The following AASDH variants were observed in gnomAD, a reference collection of about 807,000 sequenced individuals.
AASDH encodes the protein beta-alanine-activating enzyme.
Under a neutral mutation model 102.3 loss-of-function variants are expected in AASDH, and 81 were observed. The observed-to-expected ratio is 0.79, with a 90% CI of 0.66 to 0.95. The LOEUF (loss-of-function observed/expected upper bound fraction) is 0.95. AASDH is among the 40% of genes least tolerant of loss of function. The pLI is 0.00. For missense variants in AASDH, 1,203 were observed against 1,266.2 expected (o/e 0.95, Z 0.76); for synonymous variants, 398 against 454.0 (o/e 0.88, Z 1.57).
intron 3 of AASDH, among the ~76,000 whole-genome samples, chr4:56,380,797 A>T (rs1196950734): frequency 6.6e-6 from 1 of 152,188 alleles, no homozygotes; most frequent in African/African-American, 2.4e-5. Flanking sequence ...ACACTGTAGG[A>T]TTTTTAGCAG....
At chr4:56,350,300 C>T (rs1046012630) in intron 10 of AASDH, among the ~76,000 whole-genome samples, 39 of 152,008 alleles carry the variant, frequency 2.6e-4, no homozygotes, top group African/African-American at 5.8e-4. Context: ...ACTAAAACCA[C>T]GAAAATTAGC....
chr4:56,378,087 T>A, intron 4 of AASDH, 61 bp downstream of exon 4: 1 of 1,491,350 alleles, frequency 6.7e-7, no homozygotes, highest in Non-Finnish European at 9.0e-7. Context: ...ATTACAGGCA[T>A]AAGCCACCAC....
chr4:56,371,476 G>C lies in AASDH; in HGVS notation c.836C>G (p.Ser279Cys). ...LPSKLASVLFSHHRVTVLQAT... is the reference protein window; with the variant it reads ...LPSKLASVLFCHHRVTVLQAT... ...CTGCAAAACAGTCACTCTATGATGG[G>C]AAAAGAGAACGCTGGCTAATTTTGA... The change falls in exon 5 of 15, where the codon TCC (serine) becomes TGC (cysteine). Residue 279 changes from serine to cysteine, a missense_variant. Transcript: ENST00000205214. 6.2e-7 allele frequency: 1 copy of C among 1,612,360 alleles called. No homozygotes were observed. Among genetic ancestry groups the C allele is most frequent in the Non-Finnish European group, 8.5e-7 (1 of 1,179,682 alleles).
In AASDH at chr4:56,345,264, G is replaced by C; in HGVS notation, c.2515C>G (p.Leu839Val). ...VGCYNGLVYV[L>V]KSNSGEKYWM... ...TATTTTTCTCCACTATTACTTTTCA[G>C]AACATAAACTAATCCATTATAACAG... Residue 839 changes from leucine (L) to valine (V), a missense_variant, in exon 12 of 15, where the codon CTG becomes GTG. By Grantham distance (32) the Leu-to-Val change is conservative. Coordinates refer to ENST00000205214, the MANE Select transcript of AASDH (RefSeq NM_181806.4). 6.2e-7 allele frequency: 1 copy of C among 1,613,330 alleles called. No individual in the cohort carries two copies. Among genetic ancestry groups the C allele is most frequent in the East Asian group, 2.2e-5 (1 of 44,862 alleles).
At chr4:56,352,652 T>G (rs1162030287) in intron 9 of AASDH, among the ~76,000 whole-genome samples, 1 of 152,204 alleles carries the variant, frequency 6.6e-6, no homozygotes, top group East Asian at 1.9e-4. Flanking sequence ...TGCCTTGGCA[T>G]CCCAAAGTGC....
At chr4:56,375,346 C>T (rs1752216909) in intron 4 of AASDH, among the ~76,000 whole-genome samples, 1 of 152,144 alleles carries the variant, frequency 6.6e-6, no homozygotes, top group Non-Finnish European at 1.5e-5. Context: ...ATTTAATACT[C>T]CCTAGCTTAG....
chr4:56,363,997 C>G (rs1750668895), intron 5 of AASDH, among the ~76,000 whole-genome samples: 1 of 152,090 alleles, frequency 6.6e-6, no homozygotes, highest in Non-Finnish European at 1.5e-5. Flanking sequence ...AAATGGCTAA[C>G]TAGAATAACC....
intron 14 of AASDH, among the ~76,000 whole-genome samples, chr4:56,340,174 ATAAAAT>A (rs1318928888): frequency 2.6e-5 from 4 of 152,240 alleles, no homozygotes; most frequent in South Asian, 2.1e-4. Context: ...ATCTCAAAAA[ATAAAAT>A]TAAAGAAAAT....
intron 11 of AASDH, among the ~76,000 whole-genome samples, chr4:56,348,115 C>T (rs975490789): frequency 6.6e-6 from 1 of 150,990 alleles, no homozygotes; most frequent in East Asian, 1.9e-4. Flanking sequence ...CGCGCCACTG[C>T]ACTCCAGCCT....
chr4:56,374,994 C>T (rs1752183101), intron 4 of AASDH, among the ~76,000 whole-genome samples: 1 of 152,124 alleles, frequency 6.6e-6, no homozygotes, highest in Admixed American at 6.5e-5. Context: ...ATAAAGGAAA[C>T]CTAGTCCTTC....
chr4:56,358,600 T>C (rs1174440814), intron 5 of AASDH, among the ~76,000 whole-genome samples: 4 of 151,918 alleles, frequency 2.6e-5, no homozygotes, highest in Admixed American at 2.6e-4. Context: ...CTGCATCCAT[T>C]AAGATAGGTA....
rs1246506047 is a variant in AASDH, at chr4:56,355,214, C to A, written c.1071G>T (p.Arg357Ser). 6.2e-7 allele frequency: 1 copy of A among 1,614,028 alleles called. No individual in the cohort carries two copies. The highest frequency in any genetic ancestry group is 1.7e-5 in the Admixed American group (1 of 60,022). The change falls in exon 6 of 15, where the codon AGG becomes AGT. Residue 357 changes from arginine (R) to serine (S), a missense_variant. Coordinates refer to ENST00000205214, the MANE Select transcript of AASDH (RefSeq NM_181806.4). ...TEVSSWATIYRIPEKTLNSTL... is the reference protein window; with the variant it reads ...TEVSSWATIYSIPEKTLNSTL... ...TAGAGTTAAGAGTCTTCTCTGGAAT[C>A]CTATAAATGGTCGCCCAACTTGATA...
At chr4:56,356,498 T>C (rs72498852) in intron 5 of AASDH, 98,321 of 1,313,346 alleles carry the variant, frequency 0.075, 4,793 homozygotes, top group East Asian at 0.22. Context: ...AGAAGAAAGC[T>C]GCTGGCAAAG....
At chr4:56,340,381 C>A (rs1256100908) in intron 14 of AASDH, among the ~76,000 whole-genome samples, 1 of 152,078 alleles carries the variant, frequency 6.6e-6, no homozygotes, top group Non-Finnish European at 1.5e-5. Context: ...TAGTTACAGC[C>A]AATGGAGTTT....
chr4:56,361,898 A>G (rs1750345530), intron 5 of AASDH, among the ~76,000 whole-genome samples: 1 of 152,184 alleles, frequency 6.6e-6, no homozygotes, highest in South Asian at 2.1e-4. Context: ...CTTGAGCCCC[A>G]GAAGTCAAGG....
At chr4:56,371,988 G>A (rs186584563) in intron 4 of AASDH, among the ~76,000 whole-genome samples, 1 of 152,288 alleles carries the variant, frequency 6.6e-6, no homozygotes, top group African/African-American at 2.4e-5. Flanking sequence ...CTTGAGAGCT[G>A]AAGAACAGAA....
chr4:56,343,527 A>C (rs557423465), intron 13 of AASDH, 35 bp downstream of exon 13: 9 of 1,510,354 alleles, frequency 6.0e-6, no homozygotes, highest in Non-Finnish European at 5.3e-6. Context: ...TTTAAAGAAA[A>C]GTAATAAAAT....
chr4:56,368,778 G>GT (rs1751340028), intron 5 of AASDH, among the ~76,000 whole-genome samples: 1 of 150,160 alleles, frequency 6.7e-6, no homozygotes, highest in Admixed American at 6.7e-5. Context: ...TAAATGATGA[G>GT]TTGATGGGTG....
intron 5 of AASDH, among the ~76,000 whole-genome samples, chr4:56,365,403 C>A (rs1264695780): frequency 1.3e-5 from 2 of 152,050 alleles, no homozygotes; most frequent in African/African-American, 4.8e-5. Flanking sequence ...TACCCCAAAT[C>A]AACAGAATAT....
Sources: allele counts gnomAD v4.1 joint callset (sites outside exome capture counted in the v4.1 genomes callset), GRCh38; gene constraint gnomAD v4.1.1; transcripts MANE v1.5; gene names NCBI Gene and HGNC (gene_info 2026-07-23, HGNC 2026-07-21).